The following VAPB variants were observed in gnomAD, a reference collection of about 807,000 sequenced individuals.
The protein encoded by VAPB is VAMP associated protein B and C, also known as vesicle-associated membrane protein-associated protein B/C.
A neutral mutation model predicts 25.6 loss-of-function variants in VAPB; 7 were observed. That is an observed-to-expected ratio of 0.27 (90% CI 0.16 to 0.51). VAPB has a LOEUF of 0.51. Among genes scored for constraint, VAPB ranks in the 20% least tolerant of loss-of-function variants. The probability of loss-of-function intolerance (pLI) is 0.97; values close to 1 mark genes in which losing one functional copy is unlikely to be tolerated. For missense variants in VAPB, 266 were observed against 301.3 expected (o/e 0.88, Z 0.87); for synonymous variants, 112 against 109.2 (o/e 1.03, Z -0.16).
Position 58,449,428 on chromosome 20 carries a change from A to G in VAPB, c.*5193A>G, listed in dbSNP as rs1357562281. The stretch of plus-strand genomic sequence containing the variant: ...GGTGGATGAGAGGTTGTCTTCATGA[A>G]TATAATTACTTGAGATTTTTTTTTC... On this transcript the variant is annotated 3_prime_UTR_variant, in exon 6 of 6. Transcript: ENST00000475243. The G allele has an allele frequency of 4.4e-6, 2 of 452,516 alleles. No individual in the cohort carries two copies. The highest frequency in any genetic ancestry group is 4.0e-5 in the African/African-American group (2 of 49,808). 28.0% of individuals were successfully genotyped at this position (452,516 alleles called of 1,614,324 possible).
intron 2 of VAPB, chr20:58,431,057 C>T (rs1397069470): frequency 6.6e-6 from 1 of 152,202 alleles, no homozygotes; most frequent in African/African-American, 2.4e-5. Flanking sequence ...TAAATCTGAA[C>T]ATTCTTCGAT....
intron 4 of VAPB, chr20:58,439,422 C>T: frequency 3.8e-6 from 1 of 261,564 alleles, no homozygotes; most frequent in South Asian, 4.6e-5. Context: ...TTACAAAGTG[C>T]CCTGTCAGCC....
chr20:58,390,695 C>T (rs2123008580), intron 1 of VAPB, among the ~76,000 whole-genome samples: 1 of 152,254 alleles, frequency 6.6e-6, no homozygotes, highest in South Asian at 2.1e-4. Flanking sequence ...AGTAGATGCT[C>T]AGTTGGTATT....
intron 2 of VAPB, among the ~76,000 whole-genome samples, chr20:58,427,197 AT>A (rs1988811072): frequency 6.6e-6 from 1 of 151,512 alleles, no homozygotes. Flanking sequence ...TGTTACCATT[AT>A]GATGCAGGCG....
chr20:58,412,558 CAG>C (rs1988406052), intron 1 of VAPB, among the ~76,000 whole-genome samples: 1 of 116,328 alleles, frequency 8.6e-6, no homozygotes, highest in Admixed American at 9.8e-5. Context: ...GCCTGGGTGA[CAG>C]AGTGAGACTC....
chr20:58,434,149 A>C (rs1381993490), intron 2 of VAPB, among the ~76,000 whole-genome samples: 1 of 152,238 alleles, frequency 6.6e-6, no homozygotes, highest in Non-Finnish European at 1.5e-5. Context: ...TTGATTAGCT[A>C]TATGAGAAAT....
intron 1 of VAPB, among the ~76,000 whole-genome samples, chr20:58,391,765 T>A (rs1005506578): frequency 6.6e-6 from 1 of 152,172 alleles, no homozygotes; most frequent in East Asian, 1.9e-4. Flanking sequence ...ACTCCGGACC[T>A]CAAGTGATCC....
chr20:58,450,404 T>C lies in VAPB; in HGVS notation c.*6169T>C, dbSNP rs1477141212. 2.2e-6 allele frequency: 1 copy of C among 454,120 alleles called. No individual in the cohort carries two copies. The highest frequency in any genetic ancestry group is 6.9e-5 in the East Asian group (1 of 14,400). The allele number at this position is 454,120 out of a possible 1,614,324, so 28.1% of individuals were successfully genotyped here. A position where few individuals can be genotyped will look rare whatever the true frequency, so the allele number is the denominator to read the frequency against. On this transcript the variant is annotated 3_prime_UTR_variant, in exon 6 of 6. Coordinates refer to ENST00000475243, the MANE Select transcript of VAPB (RefSeq NM_004738.5). The stretch of plus-strand genomic sequence containing the variant: ...TGCGAAATTAGTGGGCGTGGCTTTT[T>C]ATATTTTTCATTCGTGTGTAGCCTA...
intron 1 of VAPB, among the ~76,000 whole-genome samples, chr20:58,399,793 T>C (rs1350806169): frequency 6.6e-6 from 1 of 152,128 alleles, no homozygotes; most frequent in East Asian, 1.9e-4. Flanking sequence ...TCACTTCTTA[T>C]TGTGAGCTAT....
At chr20:58,432,557 T>A (rs953883567) in intron 2 of VAPB, 5 of 152,338 alleles carry the variant, frequency 3.3e-5, no homozygotes, top group Non-Finnish European at 7.4e-5. Flanking sequence ...TTCTTAAAAC[T>A]GAATTCACTT....
chr20:58,418,741 G>A (rs185202276), intron 2 of VAPB, among the ~76,000 whole-genome samples: 101 of 152,234 alleles, frequency 6.6e-4, no homozygotes, highest in African/African-American at 2.4e-3. Context: ...TTACTTTGTG[G>A]GAGAAAGCTA....
chr20:58,436,408 G>T (rs1048559746), intron 3 of VAPB, among the ~76,000 whole-genome samples: 2 of 140,134 alleles, frequency 1.4e-5, no homozygotes, highest in African/African-American at 5.4e-5. Flanking sequence ...ATCTCAGCTC[G>T]CTGCAGCCTC....
chr20:58,416,662 C>G (rs1047641108), intron 1 of VAPB, among the ~76,000 whole-genome samples: 1 of 152,138 alleles, frequency 6.6e-6, no homozygotes, highest in Non-Finnish European at 1.5e-5. Flanking sequence ...CATAGCAGAA[C>G]TAGCTGTCGT....
At chr20:58,417,473 T>G (rs1362540535) in intron 1 of VAPB, among the ~76,000 whole-genome samples, 1 of 152,222 alleles carries the variant, frequency 6.6e-6, no homozygotes, top group East Asian at 1.9e-4. Context: ...TTAAAAAATC[T>G]AATAAAGTAG....
chr20:58,409,916 C>T (rs1418301834), intron 1 of VAPB, among the ~76,000 whole-genome samples: 7 of 151,850 alleles, frequency 4.6e-5, no homozygotes, highest in Admixed American at 2.0e-4. Context: ...CACACACACA[C>T]ACACACACAC....
chr20:58,416,340 G>A (rs1376707047), intron 1 of VAPB, among the ~76,000 whole-genome samples: 1 of 95,000 alleles, frequency 1.1e-5, no homozygotes, highest in Non-Finnish European at 2.3e-5. Context: ...GCTTATTTTT[G>A]TAGAGTACCT....
At chr20:58,438,270 T>C (rs535345002) in intron 3 of VAPB, among the ~76,000 whole-genome samples, 68 of 152,262 alleles carry the variant, frequency 4.5e-4, no homozygotes, top group Middle Eastern at 6.8e-3. Flanking sequence ...TTTCATTTTC[T>C]CATTTTAATT....
rs1227974076 is a variant in VAPB, at chr20:58,449,188, A to G, written c.*4953A>G. On this transcript the variant is annotated 3_prime_UTR_variant, in exon 6 of 6. Transcript: ENST00000475243. ...CCTCTTCCTCCAGCCTCTGAATCCC[A>G]TTAGCCACAGCCTAGAACATTAGCT... The G allele has an allele frequency of 1.1e-5, 5 of 453,994 alleles. No homozygotes were observed. Among genetic ancestry groups the G allele is most frequent in the Non-Finnish European group, 1.8e-5 (4 of 226,804 alleles). 28.1% of individuals were successfully genotyped at this position (453,994 alleles called of 1,614,324 possible).
intron 1 of VAPB, among the ~76,000 whole-genome samples, chr20:58,415,411 G>C (rs538939318): frequency 5.9e-5 from 9 of 152,324 alleles, no homozygotes; most frequent in South Asian, 2.1e-4. Context: ...ATTAAAAAGA[G>C]TAACAGTTTC....
Sources: gnomAD v4.1 joint callset for allele counts (sites outside exome capture counted in the v4.1 genomes callset) on GRCh38, gnomAD v4.1.1 for gene constraint, MANE v1.5 for transcripts, NCBI Gene and HGNC (gene_info 2026-07-23, HGNC 2026-07-21) for gene names.